The following CLSTN2 variants were observed in gnomAD, a reference collection of about 807,000 sequenced individuals.
CLSTN2 encodes the protein calsyntenin-2.
In CLSTN2, 48 loss-of-function variants were observed where a neutral mutation model predicts 101.2. The observed-to-expected ratio is 0.47, with a 90% CI of 0.38 to 0.60. The LOEUF is 0.60. Ranked by LOEUF, CLSTN2 falls within the 20% of genes least tolerant of loss-of-function variation. The probability of loss-of-function intolerance (pLI) is 0.00; values close to 1 mark genes in which losing one functional copy is unlikely to be tolerated. For synonymous variants in CLSTN2, 481 were observed against 463.6 expected (o/e 1.04, Z -0.48); for missense variants, 1,160 against 1,238.2 (o/e 0.94, Z 0.95).
chr3:139,968,301 C>T (rs1399221368), intron 1 of CLSTN2, among the ~76,000 whole-genome samples: 1 of 152,152 alleles, frequency 6.6e-6, no homozygotes, highest in Non-Finnish European at 1.5e-5. Context: ...GGTCTTCAAA[C>T]CTGTTCTCTT....
chr3:140,155,917 A>G (rs2009946379), intron 1 of CLSTN2, among the ~76,000 whole-genome samples: 1 of 152,030 alleles, frequency 6.6e-6, no homozygotes, highest in Non-Finnish European at 1.5e-5. Flanking sequence ...ATACAAGAGT[A>G]AGAAGCTGAC....
intron 1 of CLSTN2, among the ~76,000 whole-genome samples, chr3:140,076,207 G>A (rs145868438): frequency 7.0e-4 from 107 of 152,266 alleles, no homozygotes; most frequent in African/African-American, 2.4e-3. Flanking sequence ...TGTTCTTCGC[G>A]TTCATCCTTG....
In CLSTN2 at chr3:140,573,578, TCGTGTAC is replaced by T; in HGVS notation, c.*7326_*7332del. ...AAGGAACTTGCTGGTACTTTGTCAG[TCGTGTAC>T]ACCTAACTGACTCCTCCTACGAGGT... On this transcript the variant is annotated 3_prime_UTR_variant, in exon 17 of 17. Coordinates refer to ENST00000458420, the MANE Select transcript of CLSTN2 (RefSeq NM_022131.3). 6.6e-6 allele frequency: 1 copy of T among 152,124 alleles called. No homozygotes were observed. The highest frequency in any genetic ancestry group is 1.5e-5 in the Non-Finnish European group (1 of 68,022). 9.4% of individuals were successfully genotyped at this position (152,124 alleles called of 1,614,324 possible).
intron 2 of CLSTN2, among the ~76,000 whole-genome samples, chr3:140,193,211 T>C (rs1256275261): frequency 1.3e-5 from 2 of 151,316 alleles, no homozygotes; most frequent in Non-Finnish European, 3.0e-5. Context: ...TTATTTTTGC[T>C]TATCTTGTTC....
chr3:139,954,995 A>G (rs1448411963), intron 1 of CLSTN2, among the ~76,000 whole-genome samples: 1 of 151,440 alleles, frequency 6.6e-6, no homozygotes, highest in Non-Finnish European at 1.5e-5. Context: ...TTGACAGCCA[A>G]ATAACTTTAT....
intron 1 of CLSTN2, among the ~76,000 whole-genome samples, chr3:140,026,428 G>A (rs913721345): frequency 6.6e-6 from 1 of 152,110 alleles, no homozygotes; most frequent in African/African-American, 2.4e-5. Flanking sequence ...GTGTCCCAAG[G>A]CTCAGGAAGC....
chr3:140,567,710 C>T lies in CLSTN2; in HGVS notation c.*1457C>T, dbSNP rs1279388776. The T allele has an allele frequency of 2.0e-5, 3 of 152,238 alleles. No homozygotes were observed. The highest frequency in any genetic ancestry group is 3.8e-4 in the East Asian group (2 of 5,198). The allele number at this position is 152,238 out of a possible 1,614,324, so 9.4% of individuals were successfully genotyped here. A position where few individuals can be genotyped will look rare whatever the true frequency, so the allele number is the denominator to read the frequency against. Reference sequence around the variant, plus strand: ...ATCAATGTGTATGCTCTGTCCCCATCCTTCACTCCTCCTCAAGCTCACACC... The same window carrying T: ...ATCAATGTGTATGCTCTGTCCCCATTCTTCACTCCTCCTCAAGCTCACACC... On this transcript the variant is annotated 3_prime_UTR_variant, in exon 17 of 17. Transcript: ENST00000458420.
rs1390590301 is a variant in CLSTN2, at chr3:140,448,722, G to T, written c.973+18G>T. The stretch of plus-strand genomic sequence containing the variant: ...GTTATGTGGTAGGTTTTTCCCTTTT[G>T]GGATTTTAAAAATCAATTGCTTTTA... On this transcript the variant is annotated intron_variant, in intron 6 of 16. Transcript: ENST00000458420. The T allele has an allele frequency of 3.8e-6, 6 of 1,591,876 alleles. No individual in the cohort carries two copies. The East Asian group carries it at 1.1e-4, about 30-fold the overall frequency.
chr3:140,075,923 A>T (rs1237161520), intron 1 of CLSTN2, among the ~76,000 whole-genome samples: 1 of 152,140 alleles, frequency 6.6e-6, no homozygotes, highest in East Asian at 1.9e-4. Flanking sequence ...CCTTAAAAAA[A>T]AAAAATTGTA....
chr3:140,011,581 T>C (rs2007074116), intron 1 of CLSTN2, among the ~76,000 whole-genome samples: 1 of 152,208 alleles, frequency 6.6e-6, no homozygotes, highest in African/African-American at 2.4e-5. Context: ...CTACCTGGCC[T>C]AGTGCTTAGT....
intron 5 of CLSTN2, among the ~76,000 whole-genome samples, chr3:140,424,978 C>G (rs960416892): frequency 6.6e-6 from 1 of 152,168 alleles, no homozygotes. Flanking sequence ...GTGCATTTGC[C>G]AGACGTAATT....
At chr3:140,183,692 C>T (rs886461660) in intron 2 of CLSTN2, among the ~76,000 whole-genome samples, 1 of 152,156 alleles carries the variant, frequency 6.6e-6, no homozygotes, top group Admixed American at 6.5e-5. Context: ...CTACTTGCCC[C>T]CTGGGCCATA....
rs546268893 is a variant in CLSTN2, at chr3:140,091,046, G to A, written c.110-84905G>A. 1.6e-3 allele frequency among the ~76,000 whole-genome samples: 248 copies of A among 152,200 alleles called. 1 individual carries two copies. The highest frequency in any genetic ancestry group is 6.8e-3 in the Middle Eastern group (2 of 294). ...TGGAGTGGCCCAGACTGACTCTGTC[G>A]ACAACTGTGTCCCCTGGGGAGGTTG... is the stretch of plus-strand genomic sequence containing the variant. On this transcript the variant is annotated intron_variant, in intron 1 of 16. Coordinates refer to ENST00000458420, the MANE Select transcript of CLSTN2 (RefSeq NM_022131.3).
At chr3:140,425,409 C>A (rs1056308093) in intron 5 of CLSTN2, among the ~76,000 whole-genome samples, 5 of 152,214 alleles carry the variant, frequency 3.3e-5, no homozygotes, top group African/African-American at 1.2e-4. Flanking sequence ...ATGCTGCTGG[C>A]CTTACCCAGC....
intron 1 of CLSTN2, among the ~76,000 whole-genome samples, chr3:140,086,644 C>A (rs1576421985): frequency 6.6e-6 from 1 of 152,174 alleles, no homozygotes; most frequent in Non-Finnish European, 1.5e-5. Context: ...GGTCCCCAGC[C>A]TTACCACTTT....
intron 9 of CLSTN2, 83 bp from the exon 10 acceptor site, chr3:140,546,430 CTT>C (rs1935585121): frequency 7.0e-7 from 1 of 1,433,732 alleles, no homozygotes; most frequent in Admixed American, 1.9e-5. Context: ...ATCAAGGCGT[CTT>C]TGGCTGCATG....
chr3:139,986,033 T>C (rs1357158662), intron 1 of CLSTN2, among the ~76,000 whole-genome samples: 1 of 152,222 alleles, frequency 6.6e-6, no homozygotes, highest in Non-Finnish European at 1.5e-5. Flanking sequence ...CAATTAACTA[T>C]TCCTGATTAT....
chr3:140,383,923 C>G (rs1280991634), intron 2 of CLSTN2, among the ~76,000 whole-genome samples: 1 of 152,136 alleles, frequency 6.6e-6, no homozygotes, highest in Non-Finnish European at 1.5e-5. Flanking sequence ...ACCTGTAATA[C>G]CAATATCCAC....
chr3:139,937,478 T>C (rs1299776048), intron 1 of CLSTN2, among the ~76,000 whole-genome samples: 1 of 151,870 alleles, frequency 6.6e-6, no homozygotes, highest in Non-Finnish European at 1.5e-5. Flanking sequence ...GGCTCATGCC[T>C]GTAATCCCAG....
Sources: gnomAD v4.1 joint callset for allele counts (sites outside exome capture counted in the v4.1 genomes callset) on GRCh38, gnomAD v4.1.1 for gene constraint, MANE v1.5 for transcripts, NCBI Gene and HGNC (gene_info 2026-07-23, HGNC 2026-07-21) for gene names.